The following DIS3L2 variants were observed in gnomAD, a reference collection of about 807,000 sequenced individuals.
The protein encoded by DIS3L2 is DIS3 like 3'-5' exoribonuclease 2.
In DIS3L2, 34 loss-of-function variants were observed where a neutral mutation model predicts 97.5. The observed-to-expected ratio is 0.35, with a 90% CI of 0.27 to 0.46. The LOEUF (loss-of-function observed/expected upper bound fraction) is 0.46. DIS3L2 is among the 20% of genes least tolerant of loss of function. The pLI is 1.00. For synonymous variants in DIS3L2, 435 were observed against 445.2 expected, an observed-to-expected ratio of 0.98 and a Z score of 0.29; for missense variants, 1,038 against 1,146.0, an observed-to-expected ratio of 0.91 and a Z score of 1.36.
intron 10 of DIS3L2, among the ~76,000 whole-genome samples, chr2:232,218,245 C>T (rs1279173107): frequency 6.6e-6 from 1 of 152,156 alleles, no homozygotes; most frequent in East Asian, 1.9e-4. Flanking sequence ...CGGATGAACA[C>T]GCATGCTCAC....
At chr2:232,133,763 T>C (rs1698280879) in intron 7 of DIS3L2, among the ~76,000 whole-genome samples, 1 of 151,970 alleles carries the variant, frequency 6.6e-6, no homozygotes, top group Non-Finnish European at 1.5e-5. Flanking sequence ...GGTGGGCAGA[T>C]CACCTTGAGG....
At chr2:232,128,825 C>T (rs1248869534) in intron 6 of DIS3L2, among the ~76,000 whole-genome samples, 6 of 152,140 alleles carry the variant, frequency 3.9e-5, no homozygotes, top group Non-Finnish European at 7.3e-5. Context: ...ACCTTTTCAA[C>T]CTGGCATTGT....
intron 14 of DIS3L2, among the ~76,000 whole-genome samples, chr2:232,318,183 C>G (rs1379699828): frequency 2.0e-5 from 3 of 152,242 alleles, no homozygotes; most frequent in Non-Finnish European, 1.5e-5. Flanking sequence ...AAGCTGGGCT[C>G]AAACAAGGGT....
At chr2:232,171,598 G>A (rs76331466) in intron 9 of DIS3L2, among the ~76,000 whole-genome samples, 451 of 152,290 alleles carry the variant, frequency 3.0e-3, no homozygotes, top group African/African-American at 9.9e-3. Context: ...CGATGGCCAA[G>A]GGAACCCCTT....
At chr2:232,009,660 T>G (rs1055684100) in intron 1 of DIS3L2, among the ~76,000 whole-genome samples, 1 of 152,206 alleles carries the variant, frequency 6.6e-6, no homozygotes, top group Non-Finnish European at 1.5e-5. Flanking sequence ...CTTTCTCCAT[T>G]TGCAAGGCCT....
chr2:231,982,960 G>A (rs982342864), intron 1 of DIS3L2, among the ~76,000 whole-genome samples: 2 of 152,110 alleles, frequency 1.3e-5, no homozygotes, highest in African/African-American at 4.8e-5. Flanking sequence ...GATTACAGGT[G>A]TGAGCCACTG....
At chr2:232,258,235 G>A (rs1212606945) in intron 12 of DIS3L2, among the ~76,000 whole-genome samples, 3 of 152,138 alleles carry the variant, frequency 2.0e-5, no homozygotes, top group Admixed American at 2.0e-4. Context: ...GTATTCCAGA[G>A]TATGTGCAGT....
chr2:232,012,022 C>T (rs967746685), intron 1 of DIS3L2, among the ~76,000 whole-genome samples: 3 of 152,202 alleles, frequency 2.0e-5, no homozygotes, highest in African/African-American at 7.2e-5. Flanking sequence ...TGCTTTGGTA[C>T]CCAAATGTGG....
chr2:232,116,212 A>C (rs950023169), intron 6 of DIS3L2, among the ~76,000 whole-genome samples: 11 of 138,948 alleles, frequency 7.9e-5, no homozygotes, highest in African/African-American at 2.6e-4. Context: ...ATAAATAAAT[A>C]AATAAATAAA....
chr2:232,046,872 C>T (rs3116235), intron 5 of DIS3L2, among the ~76,000 whole-genome samples: 95,462 of 151,988 alleles, frequency 0.63, 30,346 homozygotes, highest in East Asian at 0.69. Context: ...AGGCTGGTCT[C>T]GAACCCTAGG....
At chr2:232,189,350 A>C (rs1266822801) in intron 9 of DIS3L2, among the ~76,000 whole-genome samples, 1 of 152,244 alleles carries the variant, frequency 6.6e-6, no homozygotes. Flanking sequence ...ATGAATGGTT[A>C]AGCAAATTGT....
At chr2:232,176,104 T>A (rs1308943301) in intron 9 of DIS3L2, among the ~76,000 whole-genome samples, 4 of 152,178 alleles carry the variant, frequency 2.6e-5, no homozygotes, top group African/African-American at 9.7e-5. Flanking sequence ...TTGGCCAGGC[T>A]AGTCTTGAAC....
intron 5 of DIS3L2, among the ~76,000 whole-genome samples, chr2:232,065,515 T>G (rs1695829933): frequency 6.6e-6 from 1 of 152,106 alleles, no homozygotes; most frequent in Non-Finnish European, 1.5e-5. Context: ...AAAATCAATT[T>G]ACTATATAAA....
chr2:232,326,443 C>T (rs114852745), intron 14 of DIS3L2, among the ~76,000 whole-genome samples: 1 of 152,200 alleles, frequency 6.6e-6, no homozygotes. Context: ...GGGGACCCAC[C>T]TTCCAGCCAC....
At chr2:232,305,446 A>G (rs1244428631) in intron 14 of DIS3L2, among the ~76,000 whole-genome samples, 1 of 152,076 alleles carries the variant, frequency 6.6e-6, no homozygotes, top group East Asian at 1.9e-4. Context: ...GCCTATTACT[A>G]TTAATTAATT....
intron 6 of DIS3L2, among the ~76,000 whole-genome samples, chr2:232,115,098 A>G (rs1277131598): frequency 6.6e-6 from 1 of 152,136 alleles, no homozygotes. Flanking sequence ...TCCATTCATG[A>G]GAGCAGAGCC....
intron 6 of DIS3L2, among the ~76,000 whole-genome samples, chr2:232,108,166 A>C (rs745823008): frequency 6.6e-6 from 1 of 152,172 alleles, no homozygotes. Flanking sequence ...TCAGCAGCTC[A>C]TCAAAAAGCT....
intron 5 of DIS3L2, among the ~76,000 whole-genome samples, chr2:232,040,222 G>A (rs917769959): frequency 2.6e-5 from 4 of 152,150 alleles, no homozygotes; most frequent in African/African-American, 9.7e-5. Context: ...TGGCAAGAGA[G>A]GATTGTGAAA....
intron 13 of DIS3L2, among the ~76,000 whole-genome samples, chr2:232,294,917 G>T (rs560108708): frequency 5.9e-5 from 9 of 152,146 alleles, no homozygotes; most frequent in Non-Finnish European, 8.8e-5. Flanking sequence ...TCACCCAGCC[G>T]CTTCCTTCTG....
Sources: gnomAD v4.1 joint callset for allele counts (sites outside exome capture counted in the v4.1 genomes callset) on GRCh38, gnomAD v4.1.1 for gene constraint, MANE v1.5 for transcripts, NCBI Gene and HGNC (gene_info 2026-07-23, HGNC 2026-07-21) for gene names.